ZNF845: variants seen among roughly 807,000 people sequenced by gnomAD.
The protein encoded by ZNF845 is zinc finger protein 845.
ZNF845 carries 59 observed loss-of-function variants against 76.1 expected under a neutral mutation model. That is an observed-to-expected ratio of 0.78 (90% CI 0.63 to 0.96). The LOEUF (loss-of-function observed/expected upper bound fraction) is 0.96, where lower values mean the gene tolerates loss of function less well. Ranked by LOEUF, ZNF845 falls within the 40% of genes least tolerant of loss-of-function variation. The pLI, the probability that ZNF845 is intolerant of heterozygous loss-of-function variation, is 0.00. For synonymous variants in ZNF845, 361 were observed against 386.9 expected (o/e 0.93, Z 0.78); for missense variants, 1,045 against 1,172.8 (o/e 0.89, Z 1.59).
intron 1 of ZNF845, among the ~76,000 whole-genome samples, chr19:53,338,757 A>G (rs1234963663): frequency 5.3e-5 from 8 of 151,868 alleles, no homozygotes; most frequent in Non-Finnish European, 1.2e-4. Flanking sequence ...GTCACAAGGC[A>G]GCTGGGGAGT....
chr19:53,338,907 C>T (rs1217718919), intron 1 of ZNF845, among the ~76,000 whole-genome samples: 1 of 142,236 alleles, frequency 7.0e-6, no homozygotes, highest in Non-Finnish European at 1.5e-5. Context: ...AGTGAAATCC[C>T]ATCTCTACTA....
intron 1 of ZNF845, among the ~76,000 whole-genome samples, chr19:53,335,982 A>G (rs2085210711): frequency 6.7e-6 from 1 of 149,102 alleles, no homozygotes; most frequent in African/African-American, 2.5e-5. Flanking sequence ...AGGCAGGTGG[A>G]TCACAAGGAT....
Position 53,351,343 on chromosome 19 carries a change from C to A in ZNF845, c.668C>A (p.Ala223Asp). 1 of 1,614,182 alleles carries A rather than the reference C, an allele frequency of 6.2e-7. No homozygotes were observed. Among genetic ancestry groups the A allele is most frequent in the Non-Finnish European group, 8.5e-7 (1 of 1,180,034 alleles). ...KSFQCNESGK[A>D]FNYSSVLRKH... ...TTCCAATGTAATGAGAGTGGCAAAG[C>A]CTTTAATTATAGCTCAGTCTTAAGG... The change falls in exon 4 of 4, where the codon GCC becomes GAC. Residue 223 changes from alanine (A) to aspartate (D), a missense_variant. By Grantham distance (126) the Ala-to-Asp change is moderately radical. Transcript: ENST00000458035.
rs1486374159 is a variant in ZNF845, at chr19:53,356,075, A to C, written c.*2487A>C. On this transcript the variant is annotated 3_prime_UTR_variant, in exon 4 of 4. Coordinates refer to ENST00000458035, the MANE Select transcript of ZNF845 (RefSeq NM_138374.3). ...AGTTCATGGAAAAATACATATTATG[A>C]AAAATTTGTGCATAAATTTCACACT... The C allele has an allele frequency of 6.6e-6, 1 of 152,206 alleles. No homozygotes were observed. The highest frequency in any genetic ancestry group is 1.5e-5 in the Non-Finnish European group (1 of 68,038). 9.4% of individuals were successfully genotyped at this position (152,206 alleles called of 1,614,324 possible). A position where few individuals can be genotyped will look rare whatever the true frequency, so the allele number is the denominator to read the frequency against.
At position 53,355,313 on chromosome 19, in the gene ZNF845, T is replaced by A. The variant is rs1254373472; in HGVS notation, c.*1725T>A. The A allele has an allele frequency of 6.6e-6, 1 of 152,086 alleles. No individual in the cohort carries two copies. Among genetic ancestry groups the A allele is most frequent in the East Asian group, 1.9e-4 (1 of 5,196 alleles). The allele number at this position is 152,086 out of a possible 1,614,324, so 9.4% of individuals were successfully genotyped here. A position where few individuals can be genotyped will look rare whatever the true frequency, so the allele number is the denominator to read the frequency against. On this transcript the variant is annotated 3_prime_UTR_variant, in exon 4 of 4. Transcript: ENST00000458035. The stretch of plus-strand genomic sequence containing the variant: ...GCCAGGCTAGAGTGCCGTGGAATGA[T>A]CTTTGCTCACTGCAACCTCTGTCTC...
In ZNF845 at chr19:53,353,352, G is replaced by A. The variant is rs1433557049; in HGVS notation, c.2677G>A (p.Gly893Ser). 4 of 1,613,204 alleles carry A rather than the reference G, an allele frequency of 2.5e-6. 1 individual carries two copies. The highest frequency in any genetic ancestry group is 3.3e-5 in the Admixed American group (2 of 59,900). ...GEKPYKCNKC[G>S]KVFNQQAHLA... Reference sequence around the variant, plus strand: ...GAAACCTTACAAGTGTAATAAATGTGGTAAGGTTTTTAATCAACAAGCACA... The same window carrying A: ...GAAACCTTACAAGTGTAATAAATGTAGTAAGGTTTTTAATCAACAAGCACA... Residue 893 changes from glycine to serine, a missense_variant, in exon 4 of 4, where the codon GGT (glycine) becomes AGT (serine). Transcript: ENST00000458035.
intron 3 of ZNF845, among the ~76,000 whole-genome samples, chr19:53,348,968 T>C (rs1474537347): frequency 6.7e-6 from 1 of 149,532 alleles, no homozygotes; most frequent in Non-Finnish European, 1.5e-5. Flanking sequence ...ACGATTCTCC[T>C]GCCTCAGCCT....
chr19:53,339,913 C>G (rs1400542511), intron 1 of ZNF845, among the ~76,000 whole-genome samples: 1 of 152,212 alleles, frequency 6.6e-6, no homozygotes, highest in Non-Finnish European at 1.5e-5. Context: ...GGTGGAGTCT[C>G]ACTCTGTCAC....
Position 53,341,244 on chromosome 19 carries a change from C to CTTT in ZNF845, c.-63_-62insTTT. The CTTT allele has an allele frequency of 6.2e-7, 1 of 1,602,286 alleles. No individual in the cohort carries two copies. The highest frequency in any genetic ancestry group is 1.3e-5 in the African/African-American group (1 of 74,732). ...TATTTTTAACATTCAGGATTGACTTCTAAAGACTCTTGGTACGTGAGGAAG... is the reference window on the plus strand; with the variant it reads ...TATTTTTAACATTCAGGATTGACTTCTTTTAAAGACTCTTGGTACGTGAGGAAG... On this transcript the variant is annotated 5_prime_UTR_variant, in exon 2 of 4. It removes the in-frame stop codon of an upstream open reading frame in the 5' UTR. Transcript: ENST00000458035.
rs1432692712 is a variant in ZNF845 at position 53,352,854 on chromosome 19, G to A, written c.2179G>A (p.Ala727Thr). The A allele has an allele frequency of 1.2e-6, 2 of 1,609,226 alleles. No homozygotes were observed. The highest frequency in any genetic ancestry group is 1.7e-6 in the Non-Finnish European group (2 of 1,178,542). ...KPYKCNECGK[A>T]FSQKSSLTCH... ...TTACAAGTGTAATGAGTGTGGCAAG[G>A]CCTTCAGTCAGAAGTCATCCCTTAC... Residue 727 changes from alanine (A) to threonine (T), a missense_variant, in exon 4 of 4, where the codon GCC becomes ACC. Coordinates refer to ENST00000458035, the MANE Select transcript of ZNF845 (RefSeq NM_138374.3).
At chr19:53,334,002 A>G (rs2085194371) in intron 1 of ZNF845, among the ~76,000 whole-genome samples, 1 of 152,226 alleles carries the variant, frequency 6.6e-6, no homozygotes, top group Non-Finnish European at 1.5e-5. Context: ...TCTTTCTGCT[A>G]TAGGGCAATG....
At chr19:53,347,107 T>C (rs1731870644) in intron 3 of ZNF845, among the ~76,000 whole-genome samples, 1 of 152,076 alleles carries the variant, frequency 6.6e-6, no homozygotes, top group Admixed American at 6.6e-5. Context: ...GGTCTCGAAC[T>C]TCTGCCCTCA....
chr19:53,339,057 G>A (rs1180183134), intron 1 of ZNF845, among the ~76,000 whole-genome samples: 1 of 152,080 alleles, frequency 6.6e-6, no homozygotes, highest in Non-Finnish European at 1.5e-5. Context: ...CCGAGATCGC[G>A]CCATTGCACT....
Position 53,352,020 on chromosome 19 carries a change from A to G in ZNF845, c.1345A>G (p.Ser449Gly), listed in dbSNP as rs752514283. The change falls in exon 4 of 4, where the codon AGT (serine) becomes GGT (glycine). Residue 449 changes from serine (S) to glycine (G), a missense_variant. Coordinates refer to ENST00000458035, the MANE Select transcript of ZNF845 (RefSeq NM_138374.3). ...ATGTGAAGAATGTGATGAAGCTTTC[A>G]GTTTCAAATCGAACCTTGAAAGACA... ...YKCEECDEAF[S>G]FKSNLERHRR... 1 of 1,613,980 alleles carries G rather than the reference A, an allele frequency of 6.2e-7. No individual in the cohort carries two copies. The highest frequency in any genetic ancestry group is 1.1e-5 in the South Asian group (1 of 91,066).
chr19:53,334,112 C>G (rs2085195352), intron 1 of ZNF845, among the ~76,000 whole-genome samples: 1 of 152,224 alleles, frequency 6.6e-6, no homozygotes, highest in African/African-American at 2.4e-5. Context: ...GATTCCCGCC[C>G]TTGGCGCCTC....
At chr19:53,338,732 ACTCC>A (rs1208209388) in intron 1 of ZNF845, among the ~76,000 whole-genome samples, 3 of 150,354 alleles carry the variant, frequency 2.0e-5, no homozygotes, top group African/African-American at 7.4e-5. Context: ...GCACACACAC[ACTCC>A]CACACACACA....
chr19:53,334,725 ACC>A (rs59524169), intron 1 of ZNF845, among the ~76,000 whole-genome samples: 20,500 of 137,576 alleles, frequency 0.15, 2,439 homozygotes, highest in African/African-American at 0.34. Context: ...AAATAGTGAG[ACC>A]CCCCCCCCCA....
intron 3 of ZNF845, among the ~76,000 whole-genome samples, chr19:53,350,254 C>G (rs1365799565): frequency 2.0e-5 from 3 of 152,122 alleles, no homozygotes; most frequent in Non-Finnish European, 4.4e-5. Context: ...GTGCCTCAGC[C>G]TCCTGAGTAG....
In ZNF845 at chr19:53,356,745, C is replaced by G. The variant is rs922920410; in HGVS notation, c.*3157C>G. The G allele has an allele frequency of 2.0e-5, 3 of 151,498 alleles. No individual in the cohort carries two copies. Among genetic ancestry groups the G allele is most frequent in the Non-Finnish European group, 2.9e-5 (2 of 67,928 alleles). The allele number at this position is 151,498 out of a possible 1,614,324, so 9.4% of individuals were successfully genotyped here. A position where few individuals can be genotyped will look rare whatever the true frequency, so the allele number is the denominator to read the frequency against. ...GAGATCGAGACCATCCTGGCTAACA[C>G]GGTGAAACCCCGTCTCTACTAAAAA... On this transcript the variant is annotated 3_prime_UTR_variant, in exon 4 of 4. Transcript: ENST00000458035.
Sources: gnomAD v4.1 joint callset for allele counts (sites outside exome capture counted in the v4.1 genomes callset) on GRCh38, gnomAD v4.1.1 for gene constraint, MANE v1.5 for transcripts, NCBI Gene and HGNC (gene_info 2026-07-23, HGNC 2026-07-21) for gene names.